RUVBL1: variants seen among roughly 807,000 people sequenced by gnomAD.
The protein encoded by RUVBL1 is RuvB like AAA ATPase 1.
A neutral mutation model predicts 52.4 loss-of-function variants in RUVBL1; 4 were observed. That is an observed-to-expected ratio of 0.08 (90% CI 0.04 to 0.17). The LOEUF (loss-of-function observed/expected upper bound fraction) is 0.17, where lower values mean the gene tolerates loss of function less well. Among genes scored for constraint, RUVBL1 ranks in the 10% least tolerant of loss-of-function variants. RUVBL1 has a pLI of 1.00. For synonymous variants in RUVBL1, 217 were observed against 214.4 expected, an observed-to-expected ratio of 1.01 and a Z score of -0.10; for missense variants, 298 against 572.8, an observed-to-expected ratio of 0.52 and a Z score of 4.90.
At chr3:128,129,787 A>AT (rs1435854765) in intron 1 of RUVBL1, among the ~76,000 whole-genome samples, 1 of 152,244 alleles carries the variant, frequency 6.6e-6, no homozygotes, top group Non-Finnish European at 1.5e-5. Flanking sequence ...CAAGTACAGT[A>AT]TGGCTCCACT....
intron 2 of RUVBL1, among the ~76,000 whole-genome samples, chr3:128,114,919 C>A (rs370291371): frequency 3.3e-5 from 5 of 152,162 alleles, no homozygotes; most frequent in African/African-American, 4.8e-5. Context: ...AAGACAGTGA[C>A]CACATCCAAT....
At chr3:128,080,502 G>A (rs1431616154), downstream of RUVBL1, among the ~76,000 whole-genome samples, 4 of 152,208 alleles carry the variant, frequency 2.6e-5, no homozygotes, top group African/African-American at 9.6e-5. Context: ...GATGAGTCAT[G>A]TTGCTAGCAT....
chr3:128,094,152 T>C (rs1301506631), intron 8 of RUVBL1, among the ~76,000 whole-genome samples: 2 of 152,124 alleles, frequency 1.3e-5, no homozygotes, highest in Non-Finnish European at 2.9e-5. Context: ...CTGATGAGGA[T>C]GGTAAGATTC....
At chr3:128,101,898 G>A (rs1032673019) in intron 4 of RUVBL1, among the ~76,000 whole-genome samples, 5 of 152,216 alleles carry the variant, frequency 3.3e-5, no homozygotes, top group African/African-American at 9.6e-5. Flanking sequence ...TATGTAACGA[G>A]CATGAGAGGG....
chr3:128,152,215 T>C (rs1437573847), intron 1 of RUVBL1, among the ~76,000 whole-genome samples: 1 of 152,068 alleles, frequency 6.6e-6, no homozygotes, highest in African/African-American at 2.4e-5. Context: ...CTAGTGAGAG[T>C]TGTCGACCCT....
rs749854545 is a variant in RUVBL1, at chr3:128,081,347, A to G, written c.1274T>C (p.Ile425Thr). The change falls in exon 11 of 11, where the codon ATT (isoleucine) becomes ACT (threonine). Residue 425 changes from isoleucine to threonine, a missense_variant. Coordinates refer to ENST00000322623, the MANE Select transcript of RUVBL1 (RefSeq NM_003707.3). This position sits in a 1 kb window ranked among gnomAD's most constrained non-coding sequence, Gnocchi z 4.8. Reference sequence around the variant, plus strand: ...GATCTCTTCGACATGCTCTTTCTCAATGCTGTCCTTCCCGTTGATTTTAGC... The same window carrying G: ...GATCTCTTCGACATGCTCTTTCTCAGTGCTGTCCTTCCCGTTGATTTTAGC... The part of the protein sequence containing the change: ...LLAKINGKDS[I>T]EKEHVEEISE... 4 of 1,614,190 alleles carry G rather than the reference A, an allele frequency of 2.5e-6. No individual in the cohort carries two copies. Among genetic ancestry groups the G allele is most frequent in the Admixed American group, 1.7e-5 (1 of 60,026 alleles).
chr3:128,070,263 A>C (rs1446077870), intron 9 of RUVBL1: 1 of 152,292 alleles, frequency 6.6e-6, no homozygotes, highest in Non-Finnish European at 1.5e-5. Flanking sequence ...TGGCTTTCCC[A>C]GAAGACACTC....
chr3:128,098,923 A>C lies in RUVBL1; in HGVS notation c.776T>G (p.Met259Arg). Residue 259 changes from methionine (M) to arginine (R), a missense_variant, in exon 7 of 11, where the codon ATG becomes AGG. This residue lies in a region of RUVBL1 where 161 missense variants were observed against 298.3 expected (regional missense o/e 0.54). Transcript: ENST00000322623. ...RPQGGQDILS[M>R]MGQLMKPKKT... ...CTTTGGCTTCATTAGCTGGCCCATC[A>C]TGGACAGGATATCTTGTCCCCCCTG... 6.2e-7 allele frequency: 1 copy of C among 1,614,010 alleles called. No individual in the cohort carries two copies. The highest frequency in any genetic ancestry group is 8.5e-7 in the Non-Finnish European group (1 of 1,179,962).
chr3:128,123,884 G>T, upstream of RUVBL1: 1 of 1,281,524 alleles, frequency 7.8e-7, no homozygotes, highest in Non-Finnish European at 9.9e-7. Flanking sequence ...GCTCTCCATA[G>T]GCTCACGGCT....
intron 1 of RUVBL1, among the ~76,000 whole-genome samples, chr3:128,120,266 T>C (rs1943613266): frequency 6.6e-6 from 1 of 152,250 alleles, no homozygotes; most frequent in Non-Finnish European, 1.5e-5. Flanking sequence ...CATAGAGTAC[T>C]AGCTGGCCAT....
intron 2 of RUVBL1, among the ~76,000 whole-genome samples, chr3:128,114,066 A>G (rs545687466): frequency 6.6e-5 from 10 of 152,370 alleles, no homozygotes; most frequent in African/African-American, 2.4e-4. Flanking sequence ...GGCAAATGCT[A>G]AACAGAACCA....
At position 128,087,687 on chromosome 3, in the gene RUVBL1, G is replaced by A. The variant is rs760254174; in HGVS notation, c.1119+19C>T. On this transcript the variant is annotated intron_variant, in intron 9 of 10. Coordinates refer to ENST00000322623, the MANE Select transcript of RUVBL1 (RefSeq NM_003707.3). ...GAGCAAATGAGAGAAGAGAGCAGGA[G>A]GGAAGAAGGGAGGCTCACCTGTTTC... 1.3e-6 allele frequency: 2 copies of A among 1,587,388 alleles called. No individual in the cohort carries two copies. The highest frequency in any genetic ancestry group is 2.2e-5 in the East Asian group (1 of 44,580).
At chr3:128,065,908 ATTTT>A (rs749114427) in intron 9 of RUVBL1, among the ~76,000 whole-genome samples, 11 of 150,246 alleles carry the variant, frequency 7.3e-5, no homozygotes, top group Non-Finnish European at 1.0e-4. Context: ...CGCCCGGCTA[ATTTT>A]TTTTTATTTT....
chr3:128,096,838 A>G (rs966714069), intron 8 of RUVBL1, among the ~76,000 whole-genome samples: 14 of 151,404 alleles, frequency 9.2e-5, no homozygotes, highest in African/African-American at 3.4e-4. Context: ...AAAAAAAAAA[A>G]GAAAGAAAAT....
chr3:128,098,734 G>A (rs1943044979), intron 7 of RUVBL1, 148 bp downstream of exon 7: 2 of 680,824 alleles, frequency 2.9e-6, no homozygotes, highest in African/African-American at 3.5e-5. Flanking sequence ...AGAAACTTAG[G>A]CTAGAGTCAA....
chr3:128,082,258 T>C lies in RUVBL1; in HGVS notation c.1211+225A>G. ...GCACTCTCCACCAGAGGGGAGCATC[T>C]GCTGCAGGACATGGGGACTTCACCC... On this transcript the variant is annotated intron_variant, in intron 10 of 10. Transcript: ENST00000322623. The surrounding 1 kb of genome is among the most constrained non-coding windows in gnomAD (Gnocchi z 4.7). The C allele has an allele frequency of 2.0e-6, 1 of 512,670 alleles. No individual in the cohort carries two copies. Among genetic ancestry groups the C allele is most frequent in the Non-Finnish European group, 3.5e-6 (1 of 284,944 alleles). The allele number at this position is 512,670 out of a possible 1,614,324, so 31.8% of individuals were successfully genotyped here.
intron 1 of RUVBL1, among the ~76,000 whole-genome samples, chr3:128,150,974 AT>A (rs1173169118): frequency 1.2e-3 from 111 of 93,964 alleles, no homozygotes; most frequent in Admixed American, 2.1e-3. Context: ...TATATTATAT[AT>A]TATATATTCT....
rs201213971 is a variant in RUVBL1 at position 128,123,552 on chromosome 3, C to T, written c.141+32G>A. The T allele has an allele frequency of 5.8e-6, 9 of 1,548,184 alleles. No homozygotes were observed. In the African/African-American group the frequency reaches 8.2e-5, roughly 14 times the overall value. ...TCTCTCGCCGCAGCAGCCCTGCTTG[C>T]AGCCCCCAACTCCCTGGTCCACTGG... On this transcript the variant is annotated intron_variant, in intron 1 of 10. Transcript: ENST00000322623.
At chr3:128,151,661 T>C (rs1944217231) in intron 1 of RUVBL1, among the ~76,000 whole-genome samples, 1 of 152,112 alleles carries the variant, frequency 6.6e-6, no homozygotes, top group African/African-American at 2.4e-5. Context: ...CCTAATCCCA[T>C]CACAAGGGCC....
Sources: gnomAD v4.1 joint callset for allele counts (sites outside exome capture counted in the v4.1 genomes callset) on GRCh38, gnomAD v4.1.1 for gene constraint, gnomAD v4.1.1 regional missense constraint, Gnocchi (gnomAD v3.1) non-coding constraint, MANE v1.5 for transcripts, NCBI Gene and HGNC (gene_info 2026-07-23, HGNC 2026-07-21) for gene names.